LIPC: variants seen among roughly 807,000 people sequenced by gnomAD.
The protein encoded by LIPC is hepatic triacylglycerol lipase.
LIPC carries 44 observed loss-of-function variants against 50.7 expected under a neutral mutation model. The observed-to-expected ratio is 0.87, with a 90% CI of 0.68 to 1.11. The LOEUF (loss-of-function observed/expected upper bound fraction) is 1.11, where lower values mean the gene tolerates loss of function less well. Ranked by LOEUF, LIPC falls within the 50% of genes most tolerant of loss-of-function variation. LIPC has a pLI of 0.00. For missense variants in LIPC, 697 were observed against 648.2 expected (o/e 1.08, Z -0.82); for synonymous variants, 271 against 256.4 (o/e 1.06, Z -0.54).
rs1195580467 is a variant in LIPC, at chr15:58,568,744, G to A, written c.1417G>A (p.Asp473Asn). The change falls in exon 9 of 9, where the codon GAC becomes AAC. Residue 473 changes from aspartate to asparagine, a missense_variant. By Grantham distance (23) the Asp-to-Asn change is conservative. Transcript: ENST00000299022. ...GACATTTTGTTCAGAAAACACAGAT[G>A]ACCTACTACTTCGCCCAACCCAGGA... ...RMTFCSENTD[D>N]LLLRPTQEKI... The A allele has an allele frequency of 2.5e-6, 4 of 1,609,534 alleles. No individual in the cohort carries two copies. Among genetic ancestry groups the A allele is most frequent in the Non-Finnish European group, 3.4e-6 (4 of 1,176,306 alleles).
At chr15:58,534,351 G>A (rs967865124) in intron 1 of LIPC, among the ~76,000 whole-genome samples, 1 of 152,142 alleles carries the variant, frequency 6.6e-6, no homozygotes, top group Non-Finnish European at 1.5e-5. Context: ...TGTCCTAAGT[G>A]TTCTAGGAAT....
At chr15:58,559,614 T>C (rs372135812) in intron 6 of LIPC, among the ~76,000 whole-genome samples, 1 of 150,036 alleles carries the variant, frequency 6.7e-6, no homozygotes, top group South Asian at 2.1e-4. Flanking sequence ...TTAGAGAATA[T>C]GGAGACAAGA....
intron 1 of LIPC, among the ~76,000 whole-genome samples, chr15:58,448,721 TA>T (rs1363293751): frequency 1.3e-5 from 2 of 152,206 alleles, no homozygotes; most frequent in Non-Finnish European, 2.9e-5. Context: ...GTCCCCATTT[TA>T]AAAATGGGAA....
chr15:58,497,024 C>T (rs184973822), intron 1 of LIPC, among the ~76,000 whole-genome samples: 44 of 152,222 alleles, frequency 2.9e-4, no homozygotes, highest in Non-Finnish European at 5.6e-4. Flanking sequence ...TGATGAAGTC[C>T]GTGAGGTACA....
chr15:58,543,231 C>A (rs550515453), intron 4 of LIPC, among the ~76,000 whole-genome samples: 1 of 152,130 alleles, frequency 6.6e-6, no homozygotes, highest in Non-Finnish European at 1.5e-5. Context: ...CCAACCCCAC[C>A]CTTCACACTG....
intron 6 of LIPC, among the ~76,000 whole-genome samples, chr15:58,554,360 A>T (rs1893862553): frequency 6.6e-6 from 1 of 152,160 alleles, no homozygotes; most frequent in Admixed American, 6.5e-5. Flanking sequence ...ACTTGGGAGT[A>T]TGTTGTACTG....
intron 1 of LIPC, 62 bp downstream of exon 1, chr15:58,432,182 A>C: frequency 8.0e-7 from 1 of 1,253,122 alleles, no homozygotes. Flanking sequence ...CGTGTGTCAC[A>C]AAGAATCCAG....
chr15:58,454,823 C>T (rs1230788039), intron 1 of LIPC: 2 of 152,232 alleles, frequency 1.3e-5, no homozygotes, highest in African/African-American at 4.8e-5. Context: ...AAGATGAAAG[C>T]CCTCACCCTC....
At chr15:58,557,401 T>TTTTC in intron 6 of LIPC, among the ~76,000 whole-genome samples, 3 of 144,532 alleles carry the variant, frequency 2.1e-5, no homozygotes, top group Non-Finnish European at 3.0e-5. Context: ...TTTTTTTTTT[T>TTTTC]TGAGATGTAG....
At chr15:58,494,231 A>C (rs1453478120) in intron 1 of LIPC, among the ~76,000 whole-genome samples, 1 of 152,164 alleles carries the variant, frequency 6.6e-6, no homozygotes, top group African/African-American at 2.4e-5. Context: ...TCACAATCTA[A>C]TCCCAGCAGT....
intron 1 of LIPC, among the ~76,000 whole-genome samples, chr15:58,498,142 T>C (rs1364318928): frequency 3.9e-5 from 6 of 152,098 alleles, no homozygotes; most frequent in Non-Finnish European, 7.4e-5. Flanking sequence ...AAAGGGAAGA[T>C]TGGTGTTTCT....
chr15:58,505,843 T>C (rs1443020485), intron 1 of LIPC, among the ~76,000 whole-genome samples: 2 of 152,176 alleles, frequency 1.3e-5, no homozygotes, highest in South Asian at 2.1e-4. Context: ...GTATCCTGCT[T>C]TCATTAGGGG....
chr15:58,538,635 T>G, intron 2 of LIPC, 118 bp downstream of exon 2: 1 of 980,312 alleles, frequency 1.0e-6, no homozygotes, highest in South Asian at 1.3e-5. Flanking sequence ...ATGCATAATG[T>G]TTATGAAGCA....
chr15:58,565,561 C>T lies in LIPC; in HGVS notation c.1388+1838C>T. 3.4e-6 allele frequency: 4 copies of T among 1,190,934 alleles called. No individual in the cohort carries two copies. In the South Asian group the frequency reaches 1.2e-4, roughly 36 times the overall value. 73.8% of individuals were successfully genotyped at this position (1,190,934 alleles called of 1,614,324 possible). A position where few individuals can be genotyped will look rare whatever the true frequency, so the allele number is the denominator to read the frequency against. ...GTGATCCTGAAATGGGTAGTATTGG[C>T]TGTGCAGATTAGGAACCTGAGGCTC... On this transcript the variant is annotated intron_variant, in intron 8 of 8. Coordinates refer to ENST00000299022, the MANE Select transcript of LIPC (RefSeq NM_000236.3).
Position 58,481,786 on chromosome 15 carries a change from G to A in LIPC, c.88+49666G>A, listed in dbSNP as rs544997159. 1.2e-4 allele frequency among the ~76,000 whole-genome samples: 19 copies of A among 152,312 alleles called. No individual in the cohort carries two copies. In the South Asian group the frequency reaches 1.9e-3, roughly 15 times the overall value. ...TGCACTCCAGCCTGGCCAGCAGAGCGAGACTCCATCTCTAAATAAATAGAT... is the reference window on the plus strand; with the variant it reads ...TGCACTCCAGCCTGGCCAGCAGAGCAAGACTCCATCTCTAAATAAATAGAT... On this transcript the variant is annotated intron_variant, in intron 1 of 8. Coordinates refer to ENST00000299022, the MANE Select transcript of LIPC (RefSeq NM_000236.3).
At chr15:58,560,476 C>A (rs537354181) in intron 6 of LIPC, among the ~76,000 whole-genome samples, 1 of 152,268 alleles carries the variant, frequency 6.6e-6, no homozygotes, top group South Asian at 2.1e-4. Flanking sequence ...TCTCTCTTGC[C>A]TTGTCAAATG....
chr15:58,562,932 G>A (rs1245967658), intron 7 of LIPC, among the ~76,000 whole-genome samples: 6 of 152,064 alleles, frequency 3.9e-5, no homozygotes, highest in African/African-American at 1.4e-4. Flanking sequence ...TGTCAACGTT[G>A]GGATATTTTA....
At position 58,548,484 on chromosome 15, in the gene LIPC, C is replaced by A; in HGVS notation, c.963C>A (p.Cys321Ter). The change falls in exon 6 of 9, where the codon TGC (cysteine) becomes TGA (stop). Residue 321 changes from cysteine to a stop codon, truncating the protein, a stop_gained. Transcript: ENST00000299022. LOFTEE classifies it high-confidence loss of function. ...GLCLSCKKGR[C>*]NTLGYHVRQE... ...GCCTGAGCTGCAAGAAGGGCCGCTG[C>A]AACACGCTGGGCTACCACGTCCGCC... is the stretch of plus-strand genomic sequence containing the variant. 2 of 1,611,118 alleles carry A rather than the reference C, an allele frequency of 1.2e-6. No individual in the cohort carries two copies. The highest frequency in any genetic ancestry group is 1.7e-6 in the Non-Finnish European group (2 of 1,178,616).
intron 1 of LIPC, among the ~76,000 whole-genome samples, chr15:58,443,335 A>C (rs1222041470): frequency 6.6e-6 from 1 of 152,174 alleles, no homozygotes; most frequent in African/African-American, 2.4e-5. Flanking sequence ...GAGCAGCCTC[A>C]GTGGCCCAAG....
Sources: gnomAD v4.1 joint callset for allele counts (sites outside exome capture counted in the v4.1 genomes callset) on GRCh38, gnomAD v4.1.1 for gene constraint, MANE v1.5 for transcripts, NCBI Gene and HGNC (gene_info 2026-07-23, HGNC 2026-07-21) for gene names.